Variants in CUL1 observed in about 807,000 individuals in gnomAD.
CUL1 encodes cullin 1.
Under a neutral mutation model 118.0 loss-of-function variants are expected in CUL1, and 24 were observed. The ratio of observed to expected loss-of-function variants is 0.20; its 90% CI spans 0.15 to 0.29. The LOEUF is 0.29. Among genes scored for constraint, CUL1 ranks in the 10% least tolerant of loss-of-function variants. The pLI is 1.00. For missense variants in CUL1, 361 were observed against 933.8 expected (o/e 0.39, Z 7.99); for synonymous variants, 332 against 340.4 (o/e 0.98, Z 0.27).
chr7:148,776,306 G>GTTTTTTTT (rs1563166099), intron 9 of CUL1, among the ~76,000 whole-genome samples: 7 of 33,956 alleles, frequency 2.1e-4, no homozygotes, highest in Non-Finnish European at 2.9e-4. Context: ...ACATAACCAG[G>GTTTTTTTT]CTTTTTTTTT....
chr7:148,727,003 C>T (rs1798608384), intron 1 of CUL1, among the ~76,000 whole-genome samples: 2 of 152,074 alleles, frequency 1.3e-5, no homozygotes, highest in South Asian at 4.2e-4. Context: ...CAGAGTGATA[C>T]CCTATTTAAA....
chr7:148,766,221 C>A (rs1799998393), intron 7 of CUL1, among the ~76,000 whole-genome samples: 1 of 152,122 alleles, frequency 6.6e-6, no homozygotes, highest in Admixed American at 6.5e-5. Context: ...TCCTTTAACT[C>A]CTAGGCTCAA....
chr7:148,769,040 G>A (rs1171016407), intron 9 of CUL1, among the ~76,000 whole-genome samples: 3 of 152,072 alleles, frequency 2.0e-5, no homozygotes, highest in East Asian at 1.9e-4. Flanking sequence ...CCTCAGTGTC[G>A]GCACATACAG....
intron 2 of CUL1, among the ~76,000 whole-genome samples, chr7:148,741,735 A>G (rs886593313): frequency 3.4e-5 from 5 of 146,974 alleles, no homozygotes; most frequent in Non-Finnish European, 6.0e-5. Context: ...CACCATGCCC[A>G]GCTAATTTTG....
chr7:148,709,049 T>TA (rs2129458976), intron 1 of CUL1, among the ~76,000 whole-genome samples: 1 of 152,346 alleles, frequency 6.6e-6, no homozygotes, highest in Admixed American at 6.5e-5. Context: ...ATGGTAAACA[T>TA]AGGTGAGCGT....
At chr7:148,790,583 G>C (rs1800969233) in intron 16 of CUL1, 142 bp downstream of exon 16, 3 of 720,304 alleles carry the variant, frequency 4.2e-6, no homozygotes, top group African/African-American at 3.6e-5. Context: ...GCATGGAGTT[G>C]TAAGAATCAG....
chr7:148,705,943 G>A (rs1188575010), intron 1 of CUL1, among the ~76,000 whole-genome samples: 1 of 152,178 alleles, frequency 6.6e-6, no homozygotes, highest in Non-Finnish European at 1.5e-5. Flanking sequence ...AGTCTAGGTT[G>A]AGCATCCCTA....
rs1284088976 is a variant in CUL1, at chr7:148,730,005, C to G, written c.-118C>G. The G allele has an allele frequency of 1.3e-5, 15 of 1,142,992 alleles. No homozygotes were observed. In the East Asian group the frequency reaches 3.3e-4, roughly 25 times the overall value. 70.8% of individuals were successfully genotyped at this position (1,142,992 alleles called of 1,614,324 possible). The stretch of plus-strand genomic sequence containing the variant: ...TTCATTCTCTACATTTAAAGGACAT[C>G]CTTTCTGAGCTGCTGTGAATAAATT... On this transcript the variant is annotated 5_prime_UTR_variant, in exon 2 of 22. It adds an upstream start codon to the 5' untranslated region. Coordinates refer to ENST00000325222, the MANE Select transcript of CUL1 (RefSeq NM_003592.3).
chr7:148,716,508 C>G lies in CUL1; in HGVS notation c.-161-13454C>G, dbSNP rs1003095659. Among the ~76,000 whole-genome samples, 5 of 152,318 alleles carry G rather than the reference C, an allele frequency of 3.3e-5. No homozygotes were observed. In the East Asian group the frequency reaches 9.6e-4, roughly 29 times the overall value. Reference sequence around the variant, plus strand: ...TGTCCCATCTACATTGAGAAGCCCCCTGAAATCCGCCCATGGACCCCACTG... The same window carrying G: ...TGTCCCATCTACATTGAGAAGCCCCGTGAAATCCGCCCATGGACCCCACTG... On this transcript the variant is annotated intron_variant, in intron 1 of 21. Transcript: ENST00000325222.
chr7:148,772,878 G>T (rs1363753190), intron 9 of CUL1, among the ~76,000 whole-genome samples: 2 of 152,024 alleles, frequency 1.3e-5, no homozygotes, highest in Non-Finnish European at 1.5e-5. Context: ...TAAGCAGCCT[G>T]CCTGTCTCGG....
intron 2 of CUL1, among the ~76,000 whole-genome samples, chr7:148,732,841 G>A (rs1584775819): frequency 6.6e-6 from 1 of 151,988 alleles, no homozygotes; most frequent in African/African-American, 2.4e-5. Context: ...CTCAAATTGG[G>A]TAGTTTTTTT....
chr7:148,770,841 AT>A (rs1376035566), intron 9 of CUL1, among the ~76,000 whole-genome samples: 1 of 152,228 alleles, frequency 6.6e-6, no homozygotes, highest in African/African-American at 2.4e-5. Context: ...TATGTGGTAA[AT>A]GTAAAAGACA....
At chr7:148,725,219 G>GCACACACACACACACACACA in intron 1 of CUL1, among the ~76,000 whole-genome samples, 97 of 140,144 alleles carry the variant, frequency 6.9e-4, no homozygotes, top group African/African-American at 8.5e-4. Context: ...ACACGCGCGC[G>GCACACACACACACACACACA]CTCACACACA....
intron 1 of CUL1, among the ~76,000 whole-genome samples, chr7:148,704,285 TTG>T (rs1797814508): frequency 6.6e-6 from 1 of 152,136 alleles, no homozygotes; most frequent in Admixed American, 6.5e-5. Context: ...GATACTGTTG[TTG>T]TTTTTTTAAT....
chr7:148,790,339 T>C lies in CUL1; in HGVS notation c.1704T>C (p.Ala568=). Residue 568 remains alanine, a synonymous_variant, in exon 16 of 22, where the codon GCT becomes GCC. Transcript: ENST00000325222. ...AACGTAGTTATCAGCGATTCACAGCTTTCTACGCCAGCCGCCACAGTGGCC... is the reference window on the plus strand; with the variant it reads ...AACGTAGTTATCAGCGATTCACAGCCTTCTACGCCAGCCGCCACAGTGGCC... ...ELERSYQRFT[A]FYASRHSGRK... 1 of 1,614,220 alleles carries C rather than the reference T, an allele frequency of 6.2e-7. No homozygotes were observed. Among genetic ancestry groups the C allele is most frequent in the Non-Finnish European group, 8.5e-7 (1 of 1,180,036 alleles).
At chr7:148,702,736 C>T (rs1797759131) in intron 1 of CUL1, among the ~76,000 whole-genome samples, 2 of 152,180 alleles carry the variant, frequency 1.3e-5, no homozygotes, top group Admixed American at 1.3e-4. Flanking sequence ...GCCCTGATGT[C>T]CTGGTCTGGG....
chr7:148,701,736 G>T (rs1328967956), intron 1 of CUL1, among the ~76,000 whole-genome samples: 1 of 152,192 alleles, frequency 6.6e-6, no homozygotes, highest in Non-Finnish European at 1.5e-5. Flanking sequence ...AGTGGTGTCT[G>T]TCTTTCAGCA....
At chr7:148,763,152 AAAAAATAAAAAT>A (rs1204340078) in intron 7 of CUL1, among the ~76,000 whole-genome samples, 1 of 152,034 alleles carries the variant, frequency 6.6e-6, no homozygotes, top group Non-Finnish European at 1.5e-5. Flanking sequence ...GTCTCAAAAA[AAAAAATAAAAAT>A]AAAAATAAAA....
intron 7 of CUL1, among the ~76,000 whole-genome samples, chr7:148,761,009 A>ACACT (rs1160663968): frequency 1.3e-5 from 2 of 152,148 alleles, no homozygotes; most frequent in Non-Finnish European, 2.9e-5. Context: ...GTGAGCCACC[A>ACACT]CACTCAGCTA....
Sources: allele counts gnomAD v4.1 joint callset (sites outside exome capture counted in the v4.1 genomes callset), GRCh38; gene constraint gnomAD v4.1.1; transcripts MANE v1.5; gene names NCBI Gene and HGNC (gene_info 2026-07-23, HGNC 2026-07-21).